SLC25A48: variants seen among roughly 807,000 people sequenced by gnomAD.
SLC25A48 encodes CTC-321K16.1.
In SLC25A48, 29 loss-of-function variants were observed where a neutral mutation model predicts 32.2. The ratio of observed to expected loss-of-function variants is 0.90; its 90% CI spans 0.67 to 1.23. The LOEUF (loss-of-function observed/expected upper bound fraction) is 1.23, where lower values mean the gene tolerates loss of function less well. Among genes scored for constraint, SLC25A48 ranks in the 50% most tolerant of loss-of-function variants. The pLI is 0.00. For missense variants in SLC25A48, 399 were observed against 422.7 expected, an observed-to-expected ratio of 0.94 and a Z score of 0.49; for synonymous variants, 164 against 172.3, an observed-to-expected ratio of 0.95 and a Z score of 0.38.
intron 3 of SLC25A48, among the ~76,000 whole-genome samples, chr5:135,678,919 A>T (rs1375893568): frequency 1.4e-4 from 22 of 152,114 alleles, no homozygotes; most frequent in Non-Finnish European, 2.9e-5. Context: ...CCTAGTGGTT[A>T]CAGTCACAGG....
chr5:135,864,620 G>A (rs1761053550), intron 4 of SLC25A48, among the ~76,000 whole-genome samples: 1 of 152,212 alleles, frequency 6.6e-6, no homozygotes, highest in Non-Finnish European at 1.5e-5. Context: ...GTGAAGGGAG[G>A]AGGTTTGTGG....
At chr5:135,743,324 G>A (rs948235563) in intron 3 of SLC25A48, among the ~76,000 whole-genome samples, 2 of 151,288 alleles carry the variant, frequency 1.3e-5, no homozygotes, top group Admixed American at 6.6e-5. Flanking sequence ...CACCCGCCTC[G>A]GCCTCCCAAA....
intron 4 of SLC25A48, among the ~76,000 whole-genome samples, chr5:135,818,473 T>G (rs1757793755): frequency 6.6e-6 from 1 of 152,206 alleles, no homozygotes; most frequent in African/African-American, 2.4e-5. Context: ...TGCTAAATAA[T>G]GCATCCAAAA....
At chr5:135,672,603 G>C (rs548716018) in intron 3 of SLC25A48, among the ~76,000 whole-genome samples, 1 of 152,210 alleles carries the variant, frequency 6.6e-6, no homozygotes, top group African/African-American at 2.4e-5. Context: ...AGGTTCACAG[G>C]AAAGTGTGGT....
At chr5:135,791,093 C>T (rs763473819) in intron 3 of SLC25A48, among the ~76,000 whole-genome samples, 1 of 151,806 alleles carries the variant, frequency 6.6e-6, no homozygotes, top group Non-Finnish European at 1.5e-5. Flanking sequence ...CTTCTAATAT[C>T]ACAGTGGTTG....
chr5:135,713,275 C>T (rs1754713834), intron 3 of SLC25A48, among the ~76,000 whole-genome samples: 1 of 152,132 alleles, frequency 6.6e-6, no homozygotes, highest in Admixed American at 6.5e-5. Context: ...CTCTTTTCAG[C>T]AGTATAATGG....
intron 3 of SLC25A48, among the ~76,000 whole-genome samples, chr5:135,792,493 T>TTAATGTAACCCTCTGGTTACATG (rs1315876642): frequency 1.3e-5 from 2 of 151,746 alleles, no homozygotes; most frequent in Non-Finnish European, 2.9e-5. Context: ...GTTGTTAATC[T>TTAATGTAACCCTCTGGTTACATG]TAATGTAACC....
chr5:135,697,765 C>A (rs1754301611), intron 3 of SLC25A48, among the ~76,000 whole-genome samples: 1 of 152,214 alleles, frequency 6.6e-6, no homozygotes, highest in Non-Finnish European at 1.5e-5. Context: ...TGAAAGAGAG[C>A]TGTTCCTGGT....
chr5:135,666,657 CAGAGAGAGAG>C (rs70976575), intron 3 of SLC25A48, among the ~76,000 whole-genome samples: 24 of 150,070 alleles, frequency 1.6e-4, no homozygotes, highest in African/African-American at 4.7e-4. Flanking sequence ...TTCAGGGCAT[CAGAGAGAGAG>C]AGAGAGAGAG....
intron 3 of SLC25A48, among the ~76,000 whole-genome samples, chr5:135,673,685 C>G (rs983814207): frequency 3.3e-5 from 5 of 151,932 alleles, no homozygotes; most frequent in African/African-American, 9.7e-5. Context: ...CCACAGGTGT[C>G]TTTTAATGAA....
At chr5:135,729,914 C>T (rs1755185212) in intron 3 of SLC25A48, among the ~76,000 whole-genome samples, 1 of 152,126 alleles carries the variant, frequency 6.6e-6, no homozygotes, top group South Asian at 2.1e-4. Flanking sequence ...TGATGTTATA[C>T]ATTCATTATA....
intron 3 of SLC25A48, among the ~76,000 whole-genome samples, chr5:135,716,091 G>T (rs1305833398): frequency 6.6e-6 from 1 of 152,162 alleles, no homozygotes; most frequent in Non-Finnish European, 1.5e-5. Flanking sequence ...CTTGTCACCT[G>T]GTGGTGTATT....
intron 6 of SLC25A48, chr5:135,876,033 T>A (rs1762002892): frequency 6.6e-6 from 1 of 151,982 alleles, no homozygotes; most frequent in Non-Finnish European, 1.5e-5. Context: ...TTATTTTAAA[T>A]TCCTTTTTTA....
chr5:135,853,207 G>A (rs1303750941), intron 4 of SLC25A48, among the ~76,000 whole-genome samples: 2 of 152,174 alleles, frequency 1.3e-5, no homozygotes, highest in South Asian at 2.1e-4. Context: ...GCCAGAGGAG[G>A]GTCTTGCCTC....
chr5:135,643,959 G>A (rs1179255201), intron 3 of SLC25A48, among the ~76,000 whole-genome samples: 2 of 152,102 alleles, frequency 1.3e-5, no homozygotes, highest in African/African-American at 2.4e-5. Context: ...GAAGAGCCAG[G>A]GTTTAAACTC....
At chr5:135,713,514 C>G (rs1754719382) in intron 3 of SLC25A48, among the ~76,000 whole-genome samples, 1 of 152,106 alleles carries the variant, frequency 6.6e-6, no homozygotes, top group Non-Finnish European at 1.5e-5. Flanking sequence ...CCAAAAGAGA[C>G]AGGACACGGG....
chr5:135,778,958 G>A (rs1187434381), intron 3 of SLC25A48, among the ~76,000 whole-genome samples: 4 of 150,996 alleles, frequency 2.6e-5, no homozygotes, highest in African/African-American at 4.9e-5. Context: ...CTCAAGGGGG[G>A]AGAGAATATT....
chr5:135,886,619 ATATATATATATATAT>A (rs1561567660), intron 7 of SLC25A48, among the ~76,000 whole-genome samples: 1,313 of 24,368 alleles, frequency 0.054, 118 homozygotes, highest in African/African-American at 0.13. Context: ...ATATATATAT[ATATATATATATATAT>A]ATAAAATATA....
At chr5:135,819,350 C>G (rs1757819701) in intron 4 of SLC25A48, among the ~76,000 whole-genome samples, 1 of 152,098 alleles carries the variant, frequency 6.6e-6, no homozygotes. Context: ...TTCAAAACAG[C>G]TAGAGAAGAA....
Sources: gnomAD v4.1 joint callset for allele counts (sites outside exome capture counted in the v4.1 genomes callset) on GRCh38, gnomAD v4.1.1 for gene constraint, MANE v1.5 for transcripts, NCBI Gene and HGNC (gene_info 2026-07-23, HGNC 2026-07-21) for gene names.